Variants in WWC1 observed in about 807,000 individuals in gnomAD.
The protein encoded by WWC1 is WW and C2 domain containing 1, also known as protein KIBRA.
Under a neutral mutation model 138.4 loss-of-function variants are expected in WWC1, and 55 were observed. That is an observed-to-expected ratio of 0.40 (90% CI 0.32 to 0.50). The LOEUF is 0.50. Among genes scored for constraint, WWC1 ranks in the 20% least tolerant of loss-of-function variants. The pLI, the probability that WWC1 is intolerant of heterozygous loss-of-function variation, is 0.72. For missense variants in WWC1, 1,226 were observed against 1,420.4 expected, an observed-to-expected ratio of 0.86 and a Z score of 2.20; for synonymous variants, 524 against 564.9, an observed-to-expected ratio of 0.93 and a Z score of 1.03.
intron 14 of WWC1, among the ~76,000 whole-genome samples, chr5:168,430,432 C>T (rs1781849756): frequency 6.6e-6 from 1 of 152,194 alleles, no homozygotes; most frequent in Non-Finnish European, 1.5e-5. Flanking sequence ...GACAAGCACT[C>T]TCTAGATGAC....
chr5:168,463,925 G>A (rs1757028011), intron 20 of WWC1, among the ~76,000 whole-genome samples: 2 of 152,088 alleles, frequency 1.3e-5, no homozygotes, highest in Admixed American at 1.3e-4. Context: ...TATCTTGAAG[G>A]CTTAGCAACC....
At chr5:168,454,222 C>G in intron 18 of WWC1, 122 bp downstream of exon 18, 1 of 1,420,772 alleles carries the variant, frequency 7.0e-7, no homozygotes, top group Non-Finnish European at 9.5e-7. Flanking sequence ...CACAAGCCCT[C>G]ATAATGGAGT....
intron 22 of WWC1, among the ~76,000 whole-genome samples, chr5:168,468,399 C>T (rs768160485): frequency 4.0e-5 from 6 of 151,746 alleles, no homozygotes; most frequent in African/African-American, 9.7e-5. Flanking sequence ...CGGAGGGTCC[C>T]GAATGCCATT....
Position 168,467,455 on chromosome 5 carries a change from T to G in WWC1, c.3151-385T>G, listed in dbSNP as rs1243038976. Among the ~76,000 whole-genome samples the G allele has an allele frequency of 2.0e-5, 3 of 152,214 alleles. No homozygotes were observed. The East Asian group carries it at 5.8e-4, about 29-fold the overall frequency. ...TAAGAACTACTGCATGGCTTGGGAC[T>G]GAGTTTCCACCACTTCTTAGTAGTC... is the stretch of plus-strand genomic sequence containing the variant. On this transcript the variant is annotated intron_variant, in intron 21 of 22. Transcript: ENST00000265293.
intron 15 of WWC1, among the ~76,000 whole-genome samples, chr5:168,433,785 G>T (rs1279772901): frequency 6.6e-6 from 1 of 152,178 alleles, no homozygotes; most frequent in African/African-American, 2.4e-5. Context: ...TGATCCGCCT[G>T]TCTCCACCTC....
chr5:168,455,529 G>T lies in WWC1; in HGVS notation c.2823+9G>T. 6.2e-7 allele frequency: 1 copy of T among 1,611,886 alleles called. No homozygotes were observed. Among genetic ancestry groups the T allele is most frequent in the Non-Finnish European group, 8.5e-7 (1 of 1,179,006 alleles). On this transcript the variant is annotated intron_variant, in intron 19 of 22. Transcript: ENST00000265293. ...GCCAGTACGTGTGCCGGGTAAGTGAGCGTGCGGCCCTCTTCTGCTCCCCTC... is the reference window on the plus strand; with the variant it reads ...GCCAGTACGTGTGCCGGGTAAGTGATCGTGCGGCCCTCTTCTGCTCCCCTC...
At chr5:168,351,497 G>C (rs760602494) in intron 1 of WWC1, among the ~76,000 whole-genome samples, 1 of 152,270 alleles carries the variant, frequency 6.6e-6, no homozygotes, top group South Asian at 2.1e-4. Flanking sequence ...TTCCACTCTA[G>C]GAGGCGAGAG....
intron 3 of WWC1, among the ~76,000 whole-genome samples, chr5:168,393,717 G>C (rs1582139787): frequency 6.6e-6 from 1 of 152,158 alleles, no homozygotes; most frequent in Non-Finnish European, 1.5e-5. Flanking sequence ...CACAAAGGCG[G>C]ATCTCAGGAA....
chr5:168,388,053 C>T (rs1778177964), intron 3 of WWC1, among the ~76,000 whole-genome samples: 1 of 152,180 alleles, frequency 6.6e-6, no homozygotes, highest in South Asian at 2.1e-4. Context: ...CCCTACAAAT[C>T]ACTCACTAAT....
At chr5:168,408,685 T>A (rs1779998708) in intron 7 of WWC1, 32 bp downstream of exon 7, 1 of 1,611,592 alleles carries the variant, frequency 6.2e-7, no homozygotes, top group African/African-American at 1.3e-5. Context: ...CTGGGGGCCT[T>A]CCACAGGATG....
chr5:168,469,031 A>G lies in WWC1; in HGVS notation c.*14A>G, dbSNP rs1321481837. The G allele has an allele frequency of 6.2e-7, 1 of 1,614,100 alleles. No homozygotes were observed. The highest frequency in any genetic ancestry group is 8.5e-7 in the Non-Finnish European group (1 of 1,179,994). ...GATGACGTCTAATCGCCAGAAAAGT[A>G]TTTCCTTTGTTCCACTGACCAGGCT... On this transcript the variant is annotated 3_prime_UTR_variant, in exon 23 of 23. Transcript: ENST00000265293.
chr5:168,423,330 G>A (rs147168079), intron 10 of WWC1, among the ~76,000 whole-genome samples: 1 of 152,250 alleles, frequency 6.6e-6, no homozygotes, highest in Non-Finnish European at 1.5e-5. Context: ...TATAACTTGA[G>A]TCCAAAGCCC....
chr5:168,432,570 A>G (rs1044098894), intron 15 of WWC1, among the ~76,000 whole-genome samples: 1 of 152,234 alleles, frequency 6.6e-6, no homozygotes, highest in Admixed American at 6.5e-5. Flanking sequence ...GAATATTTTA[A>G]TGATAACTCA....
Position 168,423,908 on chromosome 5 carries a change from C to T in WWC1, c.1650C>T (p.Leu550=), listed in dbSNP as rs755762058. The T allele has an allele frequency of 1.2e-6, 2 of 1,614,196 alleles. No homozygotes were observed. Among genetic ancestry groups the T allele is most frequent in the Non-Finnish European group, 1.7e-6 (2 of 1,180,040 alleles). The stretch of plus-strand genomic sequence containing the variant: ...CCCCCTCCCCACCCTGTTCCCCTCT[C>T]ATGGCTGACCCCCTCCTGGCTGGTG... The part of the protein sequence containing the change: ...LSSPSPPCSP[L]MADPLLAGDA... Residue 550 remains leucine, a synonymous_variant, in exon 11 of 23, where the codon CTC becomes CTT. Coordinates refer to ENST00000265293, the MANE Select transcript of WWC1 (RefSeq NM_015238.3).
At chr5:168,393,194 A>C (rs1778637265) in intron 3 of WWC1, among the ~76,000 whole-genome samples, 1 of 152,236 alleles carries the variant, frequency 6.6e-6, no homozygotes, top group Non-Finnish European at 1.5e-5. Flanking sequence ...GAAACAGAGG[A>C]GAAAAGCATC....
chr5:168,316,609 C>G (rs764698370), intron 1 of WWC1: 4 of 152,390 alleles, frequency 2.6e-5, no homozygotes, highest in Non-Finnish European at 5.9e-5. Flanking sequence ...TGAAGAACCC[C>G]TTGGTTACTT....
rs369096913 is a variant in WWC1, at chr5:168,319,145, C to T, written c.119+26874C>T. ...CGTGTATAAATATGTGTTAGCCGGG[C>T]GTGGTGGCTCACGCCTCTAATCCCA... On this transcript the variant is annotated intron_variant, in intron 1 of 22. Coordinates refer to ENST00000265293, the MANE Select transcript of WWC1 (RefSeq NM_015238.3). Among the ~76,000 whole-genome samples, 81 of 152,210 alleles carry T rather than the reference C, an allele frequency of 5.3e-4. No individual in the cohort carries two copies. The South Asian group carries it at 0.016, about 30-fold the overall frequency.
intron 1 of WWC1, among the ~76,000 whole-genome samples, chr5:168,332,454 T>G (rs556478340): frequency 6.6e-6 from 1 of 152,352 alleles, no homozygotes; most frequent in South Asian, 2.1e-4. Context: ...ATTCTGTTTA[T>G]AAGTGATACT....
chr5:168,308,836 A>G (rs145481520), intron 1 of WWC1, among the ~76,000 whole-genome samples: 60 of 152,304 alleles, frequency 3.9e-4, no homozygotes, highest in African/African-American at 1.4e-3. Flanking sequence ...TGGTCCTCAC[A>G]TCAAAACAAT....
Sources: allele counts gnomAD v4.1 joint callset (sites outside exome capture counted in the v4.1 genomes callset), GRCh38; gene constraint gnomAD v4.1.1; transcripts MANE v1.5; gene names NCBI Gene and HGNC (gene_info 2026-07-23, HGNC 2026-07-21).